SEMA3D: variants seen among roughly 807,000 people sequenced by gnomAD.
The protein encoded by SEMA3D is semaphorin-3D.
Under a neutral mutation model 100.1 loss-of-function variants are expected in SEMA3D, and 84 were observed. The observed-to-expected ratio is 0.84, with a 90% CI of 0.70 to 1.01. SEMA3D has a LOEUF of 1.01. SEMA3D is among the 50% of genes least tolerant of loss of function. SEMA3D has a pLI of 0.00. For synonymous variants in SEMA3D, 312 were observed against 320.7 expected, an observed-to-expected ratio of 0.97 and a Z score of 0.29; for missense variants, 875 against 934.1, an observed-to-expected ratio of 0.94 and a Z score of 0.82.
intron 8 of SEMA3D, among the ~76,000 whole-genome samples, chr7:85,056,829 G>A (rs1035489953): frequency 6.8e-6 from 1 of 147,730 alleles, no homozygotes; most frequent in African/African-American, 2.5e-5. Flanking sequence ...AAATATCCAT[G>A]CTTTTTCCTC....
intron 3 of SEMA3D, among the ~76,000 whole-genome samples, chr7:85,110,688 C>T (rs569173782): frequency 4.0e-5 from 6 of 150,968 alleles, no homozygotes; most frequent in Admixed American, 2.0e-4. Flanking sequence ...GTAGATTATC[C>T]GGCATGTCTC....
At chr7:85,123,994 T>C (rs989046713) in intron 2 of SEMA3D, among the ~76,000 whole-genome samples, 2 of 152,064 alleles carry the variant, frequency 1.3e-5, no homozygotes, top group Non-Finnish European at 2.9e-5. Context: ...AAAATTTTAG[T>C]TTTAAAAACT....
chr7:85,202,734 T>C, the SEMA3D span, among the ~76,000 whole-genome samples: 6 of 151,836 alleles, frequency 4.0e-5, no homozygotes, highest in Admixed American at 6.6e-5. Context: ...AAAAAACACA[T>C]GAAAAAATGC....
chr7:85,115,263 T>C (rs1789205681), intron 3 of SEMA3D, among the ~76,000 whole-genome samples: 1 of 152,146 alleles, frequency 6.6e-6, no homozygotes, highest in Non-Finnish European at 1.5e-5. Flanking sequence ...GAACCACGAA[T>C]TAAATTTGTG....
At chr7:85,170,143 T>C (rs1583986793) in intron 1 of SEMA3D, among the ~76,000 whole-genome samples, 1 of 151,830 alleles carries the variant, frequency 6.6e-6, no homozygotes, top group African/African-American at 2.4e-5. Flanking sequence ...ATATTAAACA[T>C]ACATGACAAC....
In SEMA3D at chr7:85,022,372, T is replaced by G; in HGVS notation, c.1414+19A>C. 6.4e-7 allele frequency: 1 copy of G among 1,562,760 alleles called. No individual in the cohort carries two copies. Among genetic ancestry groups the G allele is most frequent in the East Asian group, 2.2e-5 (1 of 44,462 alleles). The stretch of plus-strand genomic sequence containing the variant: ...TGAAAAATTCCTTTTGAAAAAATCC[T>G]AATCTAGTTTTAGCTTACCTGTTCC... On this transcript the variant is annotated intron_variant, in intron 13 of 18. Coordinates refer to ENST00000284136, the MANE Select transcript of SEMA3D (RefSeq NM_001384900.1).
chr7:85,022,830 C>T (rs933152559), intron 12 of SEMA3D, among the ~76,000 whole-genome samples: 7 of 151,836 alleles, frequency 4.6e-5, no homozygotes, highest in African/African-American at 1.7e-4. Flanking sequence ...ATTACCTCTG[C>T]ATTTTATAAT....
intron 1 of SEMA3D, among the ~76,000 whole-genome samples, chr7:85,184,232 G>C (rs182904873): frequency 1.8e-4 from 28 of 152,146 alleles, no homozygotes; most frequent in Admixed American, 1.4e-3. Context: ...ATTAAGTGGG[G>C]TCATGACAAC....
chr7:85,078,331 G>A (rs1787946721), intron 5 of SEMA3D, among the ~76,000 whole-genome samples: 1 of 151,692 alleles, frequency 6.6e-6, no homozygotes, highest in Admixed American at 6.6e-5. Flanking sequence ...AAGGAAGGAG[G>A]GAAGGAAGGA....
At chr7:85,240,220 T>C in the SEMA3D span, among the ~76,000 whole-genome samples, 2 of 152,156 alleles carry the variant, frequency 1.3e-5, no homozygotes, top group African/African-American at 2.4e-5. Flanking sequence ...TGTTAGATTT[T>C]TGTCAAGTGC....
At chr7:85,192,270 A>G in the SEMA3D span, among the ~76,000 whole-genome samples, 3 of 152,096 alleles carry the variant, frequency 2.0e-5, no homozygotes, top group South Asian at 2.1e-4. Flanking sequence ...ACAAAATGTC[A>G]TTTAAGTAAC....
At chr7:85,055,914 T>A in intron 8 of SEMA3D, 55 bp from the exon 9 acceptor site, 3 of 967,880 alleles carry the variant, frequency 3.1e-6, no homozygotes, top group Non-Finnish European at 4.5e-6. Flanking sequence ...CCAGTCATCA[T>A]AGTTTGATGA....
intron 3 of SEMA3D, among the ~76,000 whole-genome samples, chr7:85,101,586 A>G (rs1562818723): frequency 6.6e-6 from 1 of 152,000 alleles, no homozygotes; most frequent in Non-Finnish European, 1.5e-5. Flanking sequence ...GTGAGGAATA[A>G]ACGAGTTAAT....
At chr7:85,160,033 C>T in intron 1 of SEMA3D, 4 of 952,096 alleles carry the variant, frequency 4.2e-6, no homozygotes, top group Non-Finnish European at 5.0e-6. Context: ...GGATTAAAAA[C>T]TGAACTGTTA....
chr7:85,223,628 C>G, the SEMA3D span, among the ~76,000 whole-genome samples: 1 of 151,666 alleles, frequency 6.6e-6, no homozygotes, highest in Non-Finnish European at 1.5e-5. Context: ...GTTGGACGGA[C>G]TTGGAGATGG....
At chr7:85,144,719 C>A (rs983612833) in intron 2 of SEMA3D, 161 of 979,510 alleles carry the variant, frequency 1.6e-4, no homozygotes, top group Non-Finnish European at 1.8e-4. Context: ...TTCTCTTCCC[C>A]TTGCCTCTAG....
chr7:85,121,669 G>GA (rs1485791749), intron 3 of SEMA3D, 72 bp downstream of exon 3: 1 of 863,244 alleles, frequency 1.2e-6, no homozygotes, highest in Admixed American at 3.3e-5. Flanking sequence ...TTTCTAAAAA[G>GA]AAAAAATATA....
At chr7:85,089,702 T>C (rs371738197) in intron 4 of SEMA3D, among the ~76,000 whole-genome samples, 3 of 151,988 alleles carry the variant, frequency 2.0e-5, no homozygotes, top group Admixed American at 1.3e-4. Context: ...CTGGGCAACA[T>C]GGCAACACTC....
chr7:85,192,180 C>T, the SEMA3D span, among the ~76,000 whole-genome samples: 1 of 151,818 alleles, frequency 6.6e-6, no homozygotes, highest in Non-Finnish European at 1.5e-5. Flanking sequence ...ACAAAAAATG[C>T]CCAACATGTT....
Sources: allele counts gnomAD v4.1 joint callset (sites outside exome capture counted in the v4.1 genomes callset), GRCh38; gene constraint gnomAD v4.1.1; transcripts MANE v1.5; gene names NCBI Gene and HGNC (gene_info 2026-07-23, HGNC 2026-07-21).